Variants in EYA1 observed in about 807,000 individuals in gnomAD.
The protein encoded by EYA1 is protein phosphatase EYA1.
EYA1 carries 16 observed loss-of-function variants against 82.0 expected under a neutral mutation model. The observed-to-expected ratio is 0.20, with a 90% CI of 0.13 to 0.30. The LOEUF is 0.30. Among genes scored for constraint, EYA1 ranks in the 10% least tolerant of loss-of-function variants. The pLI is 1.00. For missense variants in EYA1, 633 were observed against 730.7 expected (o/e 0.87, Z 1.54); for synonymous variants, 261 against 264.4 (o/e 0.99, Z 0.12).
chr8:71,546,503 T>C (rs1186611198), intron 1 of EYA1, among the ~76,000 whole-genome samples: 18 of 145,474 alleles, frequency 1.2e-4, no homozygotes, highest in Admixed American at 1.2e-3. Flanking sequence ...CACTTTCTAC[T>C]GATTCTTATT....
At chr8:71,405,547 A>G (rs1391827698) in intron 2 of EYA1, among the ~76,000 whole-genome samples, 3 of 152,184 alleles carry the variant, frequency 2.0e-5, no homozygotes, top group African/African-American at 4.8e-5. Context: ...ATTTTAATTT[A>G]TCTTGATTTC....
intron 12 of EYA1, among the ~76,000 whole-genome samples, chr8:71,237,997 T>C (rs1812049556): frequency 1.3e-5 from 2 of 152,184 alleles, no homozygotes; most frequent in Non-Finnish European, 2.9e-5. Flanking sequence ...TAAAAAGTCC[T>C]AGATGTATAA....
chr8:71,215,375 A>G lies in EYA1; in HGVS notation c.1597+12T>C, dbSNP rs1368293625. 1 of 1,611,326 alleles carries G rather than the reference A, an allele frequency of 6.2e-7. No homozygotes were observed. Among genetic ancestry groups the G allele is most frequent in the South Asian group, 1.1e-5 (1 of 90,986 alleles). ...AGAGCTGATTGTTAAAAAGAAAAGA[A>G]AAGCAGCTCACCTATTTTAGTTGCA... On this transcript the variant is annotated intron_variant, in intron 16 of 17. Coordinates refer to ENST00000340726, the MANE Select transcript of EYA1 (RefSeq NM_000503.6).
At chr8:71,280,897 C>A (rs182384890) in intron 9 of EYA1, among the ~76,000 whole-genome samples, 5 of 152,130 alleles carry the variant, frequency 3.3e-5, no homozygotes, top group Admixed American at 2.6e-4. Flanking sequence ...TATAAGTGAG[C>A]ACCACCATCC....
intron 2 of EYA1, among the ~76,000 whole-genome samples, chr8:71,400,832 C>A (rs1829916412): frequency 6.6e-6 from 1 of 152,138 alleles, no homozygotes; most frequent in South Asian, 2.1e-4. Context: ...AAGACATATG[C>A]ATGCATATGT....
chr8:71,360,563 C>T (rs1827279246), intron 1 of EYA1, among the ~76,000 whole-genome samples: 1 of 152,184 alleles, frequency 6.6e-6, no homozygotes, highest in South Asian at 2.1e-4. Flanking sequence ...TGCTCACTTA[C>T]TGAACACTTT....
chr8:71,319,134 ATT>A (rs112207518), intron 6 of EYA1, among the ~76,000 whole-genome samples: 42,167 of 143,488 alleles, frequency 0.29, 6,441 homozygotes, highest in East Asian at 0.57. Flanking sequence ...TAATTCATGT[ATT>A]TTTTTTTTTT....
intron 11 of EYA1, among the ~76,000 whole-genome samples, chr8:71,263,140 A>G (rs1586065071): frequency 6.6e-6 from 1 of 151,970 alleles, no homozygotes; most frequent in Admixed American, 6.6e-5. Context: ...GTTCACTAAA[A>G]CCCATTCTCT....
intron 11 of EYA1, among the ~76,000 whole-genome samples, chr8:71,244,912 C>T (rs551145310): frequency 1.1e-4 from 16 of 152,258 alleles, no homozygotes; most frequent in African/African-American, 3.4e-4. Flanking sequence ...TGGTGCTTTA[C>T]ACACTGAAGA....
chr8:71,497,182 AAATAT>A (rs1811476976), intron 2 of EYA1, among the ~76,000 whole-genome samples: 1 of 152,212 alleles, frequency 6.6e-6, no homozygotes, highest in African/African-American at 2.4e-5. Context: ...GCCATACATA[AAATAT>A]AATAACACTA....
At chr8:71,523,642 T>A (rs1025087073) in intron 2 of EYA1, among the ~76,000 whole-genome samples, 1 of 152,224 alleles carries the variant, frequency 6.6e-6, no homozygotes, top group African/African-American at 2.4e-5. Context: ...TGCACACTTG[T>A]GTGAATTAGC....
intron 11 of EYA1, among the ~76,000 whole-genome samples, chr8:71,269,066 A>G (rs1389289332): frequency 6.6e-6 from 1 of 152,236 alleles, no homozygotes; most frequent in African/African-American, 2.4e-5. Context: ...CCTGGGAAAG[A>G]CTTATGAAAT....
intron 9 of EYA1, among the ~76,000 whole-genome samples, chr8:71,295,054 A>G (rs1819454523): frequency 6.6e-6 from 1 of 152,196 alleles, no homozygotes; most frequent in Admixed American, 6.5e-5. Flanking sequence ...ATGAATCTAG[A>G]CCCTGACCTT....
At chr8:71,527,531 G>A (rs554562672) in intron 2 of EYA1, among the ~76,000 whole-genome samples, 2 of 152,252 alleles carry the variant, frequency 1.3e-5, no homozygotes, top group Admixed American at 6.5e-5. Flanking sequence ...AGGAGAGAGC[G>A]CACAACTGTA....
intron 7 of EYA1, among the ~76,000 whole-genome samples, chr8:71,313,985 C>T (rs1332420899): frequency 6.6e-6 from 1 of 152,130 alleles, no homozygotes; most frequent in Non-Finnish European, 1.5e-5. Context: ...AATAACTAGT[C>T]ATCATACCTT....
chr8:71,380,999 A>C (rs865969537), intron 2 of EYA1, among the ~76,000 whole-genome samples: 3 of 152,248 alleles, frequency 2.0e-5, no homozygotes, highest in Admixed American at 6.5e-5. Flanking sequence ...CTGCAGGTGG[A>C]CTGCCATTCT....
At chr8:71,221,353 G>A (rs889758058) in intron 12 of EYA1, among the ~76,000 whole-genome samples, 1 of 152,100 alleles carries the variant, frequency 6.6e-6, no homozygotes, top group African/African-American at 2.4e-5. Flanking sequence ...AACCCCGGGG[G>A]CTTAGTGACC....
chr8:71,368,609 G>C (rs1242019101), intron 2 of EYA1, among the ~76,000 whole-genome samples: 1 of 152,154 alleles, frequency 6.6e-6, no homozygotes, highest in Non-Finnish European at 1.5e-5. Context: ...AAAGGAAAAA[G>C]ACAATGATTT....
chr8:71,481,418 T>C (rs1418783616), intron 2 of EYA1, among the ~76,000 whole-genome samples: 1 of 152,230 alleles, frequency 6.6e-6, no homozygotes, highest in Non-Finnish European at 1.5e-5. Flanking sequence ...GAACTGAGAA[T>C]AATGATCAAT....
Sources: allele counts gnomAD v4.1 joint callset (sites outside exome capture counted in the v4.1 genomes callset), GRCh38; gene constraint gnomAD v4.1.1; transcripts MANE v1.5; gene names NCBI Gene and HGNC (gene_info 2026-07-23, HGNC 2026-07-21).